The following PARP11 variants were observed in gnomAD, a reference collection of about 807,000 sequenced individuals.
The protein encoded by PARP11 is poly(ADP-ribose) polymerase family member 11, also known as protein mono-ADP-ribosyltransferase PARP11.
In PARP11, 31 loss-of-function variants were observed where a neutral mutation model predicts 42.9. The ratio of observed to expected loss-of-function variants is 0.72; its 90% CI spans 0.54 to 0.98. The LOEUF (loss-of-function observed/expected upper bound fraction) is 0.98. Among genes scored for constraint, PARP11 ranks in the 50% least tolerant of loss-of-function variants. The pLI, the probability that PARP11 is intolerant of heterozygous loss-of-function variation, is 0.00. For synonymous variants in PARP11, 137 were observed against 127.3 expected (o/e 1.08, Z -0.51); for missense variants, 365 against 413.1 (o/e 0.88, Z 1.01).
chr12:3,844,085 G>A (rs1947949267), intron 1 of PARP11, among the ~76,000 whole-genome samples: 1 of 152,130 alleles, frequency 6.6e-6, no homozygotes. Context: ...TCAGTGAATC[G>A]CCACTGTACT....
chr12:3,873,369 C>G lies in PARP11; in HGVS notation c.-140G>C, dbSNP rs539710704. On this transcript the variant is annotated 5_prime_UTR_variant, in exon 1 of 8. Transcript: ENST00000228820. ...CCTTTACGAAGGCCTTCCTCCTCCC[C>G]CTCCCTGTCACAAGCCAGCGTTTAC... is the stretch of plus-strand genomic sequence containing the variant. 11 of 761,322 alleles carry G rather than the reference C, an allele frequency of 1.4e-5. No homozygotes were observed. The highest frequency in any genetic ancestry group is 3.2e-5 in the South Asian group (2 of 61,668). 47.2% of individuals were successfully genotyped at this position (761,322 alleles called of 1,614,324 possible).
At chr12:3,835,858 G>GA (rs35243468) in intron 1 of PARP11, among the ~76,000 whole-genome samples, 1 of 151,898 alleles carries the variant, frequency 6.6e-6, no homozygotes. Context: ...AGAAAGGAAA[G>GA]AAAAAATTGC....
intron 1 of PARP11, 150 bp from the exon 2 acceptor site, chr12:3,830,168 G>C: frequency 1.6e-6 from 1 of 634,942 alleles, no homozygotes; most frequent in East Asian, 2.8e-5. Flanking sequence ...TTTCATATTG[G>C]CTCTGAAGAT....
chr12:3,830,040 G>A (rs773297018), intron 1 of PARP11, 22 bp from the exon 2 acceptor site: 2 of 1,608,708 alleles, frequency 1.2e-6, no homozygotes, highest in East Asian at 2.2e-5. Flanking sequence ...GAAGGAGGTG[G>A]AGGAAGAAAT....
chr12:3,872,716 A>G, intron 1 of PARP11: 17 of 985,296 alleles, frequency 1.7e-5, no homozygotes, highest in Non-Finnish European at 2.0e-5. Context: ...GACTGGTGGG[A>G]CTGGCAGGTA....
At chr12:3,856,557 A>G (rs1948194007) in intron 1 of PARP11, among the ~76,000 whole-genome samples, 1 of 152,242 alleles carries the variant, frequency 6.6e-6, no homozygotes, top group Non-Finnish European at 1.5e-5. Context: ...AATCCAAAAC[A>G]AAACCACAAT....
At chr12:3,826,309 AC>A in intron 3 of PARP11, 76 bp from the exon 4 acceptor site, 1 of 1,012,574 alleles carries the variant, frequency 9.9e-7, no homozygotes, top group East Asian at 2.6e-5. Context: ...ATTAATAGCC[AC>A]GCTACGCGAT....
intron 1 of PARP11, among the ~76,000 whole-genome samples, chr12:3,846,386 C>A (rs904821687): frequency 6.6e-6 from 1 of 151,900 alleles, no homozygotes; most frequent in African/African-American, 2.4e-5. Flanking sequence ...GGACAACATG[C>A]CAACAAATTG....
At chr12:3,868,852 T>C (rs1248870701) in intron 1 of PARP11, among the ~76,000 whole-genome samples, 1 of 152,230 alleles carries the variant, frequency 6.6e-6, no homozygotes, top group African/African-American at 2.4e-5. Context: ...CTAGAACAAA[T>C]TACCACAAAC....
At chr12:3,838,463 G>C (rs189505529) in intron 1 of PARP11, among the ~76,000 whole-genome samples, 1 of 151,928 alleles carries the variant, frequency 6.6e-6, no homozygotes, top group Non-Finnish European at 1.5e-5. Flanking sequence ...TACTAAAAGA[G>C]AAGTTTATAG....
intron 3 of PARP11, among the ~76,000 whole-genome samples, chr12:3,828,452 G>A (rs1044590917): frequency 2.0e-5 from 3 of 151,478 alleles, no homozygotes; most frequent in Non-Finnish European, 2.9e-5. Flanking sequence ...GGGAGGCTGA[G>A]GCAGAGAATT....
At chr12:3,848,706 TAGA>T (rs1948043397) in intron 1 of PARP11, among the ~76,000 whole-genome samples, 1 of 152,110 alleles carries the variant, frequency 6.6e-6, no homozygotes, top group Non-Finnish European at 1.5e-5. Context: ...ATGAAACTAC[TAGA>T]AGAAAACACT....
At chr12:3,868,346 G>T (rs1280865114) in intron 1 of PARP11, among the ~76,000 whole-genome samples, 1 of 151,968 alleles carries the variant, frequency 6.6e-6, no homozygotes, top group African/African-American at 2.4e-5. Flanking sequence ...TGTAGTTCTA[G>T]CTACTCAGGA....
chr12:3,842,185 T>C, intron 1 of PARP11: 1 of 1,609,118 alleles, frequency 6.2e-7, no homozygotes, highest in African/African-American at 1.3e-5. Flanking sequence ...GCTGCTGATG[T>C]GGTCAGCCCT....
intron 1 of PARP11, among the ~76,000 whole-genome samples, chr12:3,858,347 C>A (rs74056009): frequency 0.078 from 11,881 of 152,138 alleles, 1,021 homozygotes; most frequent in African/African-American, 0.21. Context: ...GAGAAAGTGG[C>A]TGTAGACAAC....
chr12:3,811,859 C>T lies in PARP11; in HGVS notation c.*264G>A. ...ACATTAGTTGAGACTCAGCTGATTC[C>T]ATTTTGAATGGTATCTTTCACCCCT... On this transcript the variant is annotated 3_prime_UTR_variant, in exon 8 of 8. Coordinates refer to ENST00000228820, the MANE Select transcript of PARP11 (RefSeq NM_020367.6). The T allele has an allele frequency of 2.5e-6, 1 of 399,920 alleles. No homozygotes were observed. Among genetic ancestry groups the T allele is most frequent in the Non-Finnish European group, 4.4e-6 (1 of 227,402 alleles). 24.8% of individuals were successfully genotyped at this position (399,920 alleles called of 1,614,324 possible).
rs146845797 is a variant in PARP11, at chr12:3,818,663, A to G, written c.548+3210T>C. 2.6e-5 allele frequency among the ~76,000 whole-genome samples: 4 copies of G among 152,394 alleles called. No homozygotes were observed. The East Asian group carries it at 7.7e-4, about 29-fold the overall frequency. ...GTTGTCAACATTTGCTGTATACACA[A>G]TATGATGTCTACCAACCTTGCCTTC... On this transcript the variant is annotated intron_variant, in intron 6 of 7. Coordinates refer to ENST00000228820, the MANE Select transcript of PARP11 (RefSeq NM_020367.6).
chr12:3,844,530 T>G lies in PARP11; in HGVS notation c.19-14512A>C, dbSNP rs185451137. On this transcript the variant is annotated intron_variant, in intron 1 of 7. Coordinates refer to ENST00000228820, the MANE Select transcript of PARP11 (RefSeq NM_020367.6). ...TGTGTTTGATCTCAGGAGTCCAAAATAAGTTGTTGCTGCATTTTATTGACT... is the reference window on the plus strand; with the variant it reads ...TGTGTTTGATCTCAGGAGTCCAAAAGAAGTTGTTGCTGCATTTTATTGACT... Among the ~76,000 whole-genome samples the G allele has an allele frequency of 7.1e-3, 1,079 of 152,318 alleles. 7 individuals are homozygous for G. The highest frequency in any genetic ancestry group is 0.024 in the African/African-American group (1,002 of 41,576).
chr12:3,867,162 T>C (rs1253239435), intron 1 of PARP11, among the ~76,000 whole-genome samples: 3 of 152,178 alleles, frequency 2.0e-5, no homozygotes, highest in East Asian at 1.9e-4. Context: ...AGTATACAAA[T>C]AGCAAAAACA....
Sources: gnomAD v4.1 joint callset for allele counts (sites outside exome capture counted in the v4.1 genomes callset) on GRCh38, gnomAD v4.1.1 for gene constraint, MANE v1.5 for transcripts, NCBI Gene and HGNC (gene_info 2026-07-23, HGNC 2026-07-21) for gene names.